WDR64: variants seen among roughly 807,000 people sequenced by gnomAD.
The protein encoded by WDR64 is WD repeat-containing protein 64.
In WDR64, 112 loss-of-function variants were observed where a neutral mutation model predicts 139.3. The observed-to-expected ratio is 0.80, with a 90% CI of 0.69 to 0.94. The LOEUF (loss-of-function observed/expected upper bound fraction) is 0.94. WDR64 is among the 40% of genes least tolerant of loss of function. The pLI, the probability that WDR64 is intolerant of heterozygous loss-of-function variation, is 0.00. For synonymous variants in WDR64, 444 were observed against 437.7 expected, an observed-to-expected ratio of 1.01 and a Z score of -0.18; for missense variants, 1,206 against 1,293.1, an observed-to-expected ratio of 0.93 and a Z score of 1.03.
At chr1:241,763,595 C>T (rs572729013) in intron 15 of WDR64, among the ~76,000 whole-genome samples, 16 of 152,094 alleles carry the variant, frequency 1.1e-4, no homozygotes, top group Non-Finnish European at 1.9e-4. Flanking sequence ...ATCCTAGCTA[C>T]GGGGGAGGCT....
chr1:241,782,500 G>A lies in WDR64; in HGVS notation c.2596-772G>A, dbSNP rs375157453. Reference sequence around the variant, plus strand: ...TAAATGACCCAGGACAAAGTAAGGTGTCAGTCCGGGTTTATCAGTGATAAA... The same window carrying A: ...TAAATGACCCAGGACAAAGTAAGGTATCAGTCCGGGTTTATCAGTGATAAA... On this transcript the variant is annotated intron_variant, in intron 22 of 27. Transcript: ENST00000437684. Among the ~76,000 whole-genome samples the A allele has an allele frequency of 9.8e-5, 15 of 152,310 alleles. No individual in the cohort carries two copies. The East Asian group carries it at 2.1e-3, about 22-fold the overall frequency.
intron 6 of WDR64, among the ~76,000 whole-genome samples, chr1:241,683,101 G>C (rs1202076319): frequency 6.6e-6 from 1 of 152,148 alleles, no homozygotes; most frequent in Non-Finnish European, 1.5e-5. Flanking sequence ...TTGGGACTTT[G>C]ATATTTGATT....
intron 27 of WDR64, among the ~76,000 whole-genome samples, chr1:241,800,598 G>T (rs964488493): frequency 2.0e-5 from 3 of 152,122 alleles, no homozygotes; most frequent in Admixed American, 1.3e-4. Context: ...AGTGGGCTGT[G>T]ATGGTGCCAC....
intron 12 of WDR64, among the ~76,000 whole-genome samples, chr1:241,742,249 AT>A (rs151259211): frequency 0.19 from 29,556 of 152,112 alleles, 3,708 homozygotes; most frequent in African/African-American, 0.34. Context: ...TTTCTGCTGC[AT>A]TTCCTCCAGC....
At chr1:241,774,153 G>A (rs998131059) in intron 20 of WDR64, among the ~76,000 whole-genome samples, 10 of 152,130 alleles carry the variant, frequency 6.6e-5, no homozygotes, top group South Asian at 6.2e-4. Context: ...AGGTGACCTC[G>A]CTTGTGATAA....
chr1:241,783,329 T>C lies in WDR64; in HGVS notation c.2653T>C (p.Tyr885His). The C allele has an allele frequency of 6.2e-7, 1 of 1,614,084 alleles. No homozygotes were observed. The highest frequency in any genetic ancestry group is 1.6e-4 in the Middle Eastern group (1 of 6,062). The change falls in exon 23 of 28, where the codon TAT becomes CAT. Residue 885 changes from tyrosine (Y) to histidine (H), a missense_variant. Transcript: ENST00000437684. ...TTCTTTGGAAATTATTCAAGTAATCTATGTAGAAGAAAAACAAGTGGTACT... is the reference window on the plus strand; with the variant it reads ...TTCTTTGGAAATTATTCAAGTAATCCATGTAGAAGAAAAACAAGTGGTACT... ...AHSLEIIQVI[Y>H]VEEKQVVLTA...
At chr1:241,799,221 A>AAAAAAAAAAAAAAAAC (rs1659454200) in intron 27 of WDR64, among the ~76,000 whole-genome samples, 1 of 134,658 alleles carries the variant, frequency 7.4e-6, no homozygotes, top group African/African-American at 2.7e-5. Flanking sequence ...AAAAAAAAAA[A>AAAAAAAAAAAAAAAAC]AATACAAAAA....
At chr1:241,723,197 T>C (rs1416857448) in intron 9 of WDR64, 100 bp from the exon 10 acceptor site, 4 of 1,440,754 alleles carry the variant, frequency 2.8e-6, no homozygotes, top group Non-Finnish European at 3.8e-6. Flanking sequence ...GACTGTGATT[T>C]GCTGTTCGAA....
chr1:241,761,499 ATGT>A (rs1657896341), intron 15 of WDR64, among the ~76,000 whole-genome samples: 2 of 151,740 alleles, frequency 1.3e-5, no homozygotes, highest in East Asian at 1.9e-4. Flanking sequence ...TTTTCTATCT[ATGT>A]TGTTGTTCTT....
At chr1:241,687,389 A>G (rs1390796567) in intron 7 of WDR64, 72 bp from the exon 8 acceptor site, 11 of 1,567,086 alleles carry the variant, frequency 7.0e-6, no homozygotes, top group South Asian at 2.3e-5. Flanking sequence ...GTCAAAGTAA[A>G]TTGCTGAATA....
At chr1:241,752,198 C>A (rs773266128) in intron 14 of WDR64, among the ~76,000 whole-genome samples, 15 of 152,056 alleles carry the variant, frequency 9.9e-5, no homozygotes, top group Non-Finnish European at 2.2e-4. Context: ...TGCTGTTTTC[C>A]TAATCAATTC....
At chr1:241,680,187 G>T (rs1666724423) in intron 6 of WDR64, among the ~76,000 whole-genome samples, 1 of 152,178 alleles carries the variant, frequency 6.6e-6, no homozygotes, top group African/African-American at 2.4e-5. Flanking sequence ...CTCAGGGAGG[G>T]TGAGATCACT....
chr1:241,782,160 T>C (rs1658868314), intron 22 of WDR64, among the ~76,000 whole-genome samples: 1 of 152,066 alleles, frequency 6.6e-6, no homozygotes, highest in Admixed American at 6.6e-5. Context: ...TGGCGGCACG[T>C]GCCGGTAGTC....
chr1:241,707,022 G>A (rs911370837), intron 8 of WDR64, among the ~76,000 whole-genome samples: 2 of 152,038 alleles, frequency 1.3e-5, no homozygotes, highest in African/African-American at 2.4e-5. Flanking sequence ...CTGGGCCCGG[G>A]CTCCCCCTTT....
intron 1 of WDR64, among the ~76,000 whole-genome samples, chr1:241,654,671 G>C (rs1665505277): frequency 6.6e-6 from 1 of 152,024 alleles, no homozygotes; most frequent in African/African-American, 2.4e-5. Flanking sequence ...TCTTGGTATA[G>C]GCTGTATAGG....
In WDR64 at chr1:241,801,014, C is replaced by CA. The variant is rs1157609218; in HGVS notation, c.3193-117dup. 1.3e-5 allele frequency: 10 copies of CA among 757,706 alleles called. No homozygotes were observed. The Admixed American group carries it at 2.4e-4, about 18-fold the overall frequency. The allele number at this position is 757,706 out of a possible 1,614,324, so 46.9% of individuals were successfully genotyped here. A position where few individuals can be genotyped will look rare whatever the true frequency, so the allele number is the denominator to read the frequency against. On this transcript the variant is annotated intron_variant, in intron 27 of 27. Transcript: ENST00000437684. ...TAGGATTGTTAAGTAAATAACTATT[C>CA]ATTTTTTTTCTAGGAGGATTAAAAT...
intron 5 of WDR64, 66 bp from the exon 6 acceptor site, chr1:241,679,419 T>C: frequency 7.3e-7 from 1 of 1,379,060 alleles, no homozygotes; most frequent in South Asian, 1.2e-5. Flanking sequence ...ACCTGCTCTT[T>C]GGTGACCATC....
chr1:241,790,745 T>A, intron 25 of WDR64, 49 bp downstream of exon 25: 1 of 1,377,080 alleles, frequency 7.3e-7, no homozygotes, highest in Non-Finnish European at 1.0e-6. Context: ...CAACAAAACC[T>A]TTGCTTTTGT....
At chr1:241,794,632 C>T (rs918295593) in intron 25 of WDR64, among the ~76,000 whole-genome samples, 21 of 151,278 alleles carry the variant, frequency 1.4e-4, no homozygotes, top group Admixed American at 1.1e-3. Context: ...CCTCAGCCTC[C>T]CAAGTAGCTG....
Sources: allele counts gnomAD v4.1 joint callset (sites outside exome capture counted in the v4.1 genomes callset), GRCh38; gene constraint gnomAD v4.1.1; transcripts MANE v1.5; gene names NCBI Gene and HGNC (gene_info 2026-07-23, HGNC 2026-07-21).